Variants in UNC5D observed in about 807,000 individuals in gnomAD.
UNC5D encodes unc-5 netrin receptor D, also known as netrin receptor UNC5D.
In UNC5D, 39 loss-of-function variants were observed where a neutral mutation model predicts 105.4. The observed-to-expected ratio is 0.37, with a 90% CI of 0.29 to 0.48. The LOEUF (loss-of-function observed/expected upper bound fraction) is 0.48, where lower values mean the gene tolerates loss of function less well. Among genes scored for constraint, UNC5D ranks in the 20% least tolerant of loss-of-function variants. The probability of loss-of-function intolerance (pLI) is 0.98; values close to 1 mark genes in which losing one functional copy is unlikely to be tolerated. For missense variants in UNC5D, 991 were observed against 1,202.4 expected, an observed-to-expected ratio of 0.82 and a Z score of 2.60; for synonymous variants, 452 against 450.4, an observed-to-expected ratio of 1.00 and a Z score of -0.04.
At chr8:35,690,824 C>T (rs560603419) in intron 7 of UNC5D, among the ~76,000 whole-genome samples, 1 of 152,276 alleles carries the variant, frequency 6.6e-6, no homozygotes, top group East Asian at 1.9e-4. Context: ...CTTTATGGAG[C>T]AGTAGCTTTG....
At chr8:35,624,706 A>G (rs1821595587) in intron 4 of UNC5D, among the ~76,000 whole-genome samples, 1 of 152,216 alleles carries the variant, frequency 6.6e-6, no homozygotes, top group African/African-American at 2.4e-5. Context: ...TAAGGGATAC[A>G]GACACCTTTT....
At chr8:35,512,465 C>CATATATATAT (rs780945660) in intron 1 of UNC5D, among the ~76,000 whole-genome samples, 4 of 20,114 alleles carry the variant, frequency 2.0e-4, no homozygotes, top group African/African-American at 3.8e-4. Context: ...AATAGTGAGC[C>CATATATATAT]ATATATATAT....
In UNC5D at chr8:35,627,790, G is replaced by A. The variant is rs116013859; in HGVS notation, c.570+32133G>A. Among the ~76,000 whole-genome samples, 844 of 152,198 alleles carry A rather than the reference G, an allele frequency of 5.5e-3. 11 individuals are homozygous for A. Among genetic ancestry groups the A allele is most frequent in the African/African-American group, 0.019 (796 of 41,534 alleles). On this transcript the variant is annotated intron_variant, in intron 4 of 16. Coordinates refer to ENST00000404895, the MANE Select transcript of UNC5D (RefSeq NM_080872.4). ...CAAAAAATAGAAAAATTAGCCAGGC[G>A]TGGTGGCACACACCGAGTCCCAGCT...
rs541120439 is a variant in UNC5D, at chr8:35,774,059, GT to G, written c.2479-239del. Among the ~76,000 whole-genome samples, 1,129 of 152,234 alleles carry G rather than the reference GT, an allele frequency of 7.4e-3. 8 individuals are homozygous for G. Among genetic ancestry groups the G allele is most frequent in the African/African-American group, 0.025 (1,059 of 41,536 alleles). ...CTTTTAATGCTGGAAGCTAGTCATTGTGACGCCCCTGAGTGGAAGAGGCTGT... is the reference window on the plus strand; with the variant it reads ...CTTTTAATGCTGGAAGCTAGTCATTGGACGCCCCTGAGTGGAAGAGGCTGT... On this transcript the variant is annotated intron_variant, in intron 15 of 16. Transcript: ENST00000404895.
intron 1 of UNC5D, chr8:35,256,257 G>A (rs1428937604): frequency 6.6e-6 from 1 of 152,210 alleles, no homozygotes; most frequent in Non-Finnish European, 1.5e-5. Flanking sequence ...AGGAATAATA[G>A]ATGAGTGGAT....
intron 2 of UNC5D, among the ~76,000 whole-genome samples, chr8:35,553,264 CT>C (rs762498612): frequency 3.3e-5 from 5 of 152,004 alleles, no homozygotes; most frequent in Non-Finnish European, 5.9e-5. Flanking sequence ...TTTAATTCCC[CT>C]AGCATTGCTA....
chr8:35,789,241 T>C (rs1802916960), intron 16 of UNC5D, among the ~76,000 whole-genome samples: 1 of 139,780 alleles, frequency 7.2e-6, no homozygotes, highest in Non-Finnish European at 1.6e-5. Flanking sequence ...TATCCATAGC[T>C]AGATCAAGGC....
In UNC5D at chr8:35,600,827, T is replaced by G. The variant is rs368227128; in HGVS notation, c.570+5170T>G. 2.4e-4 allele frequency among the ~76,000 whole-genome samples: 37 copies of G among 152,186 alleles called. No homozygotes were observed. In the East Asian group the frequency reaches 2.5e-3, roughly 10 times the overall value. ...AATTAGATCCCATTTGTCAATTTTG[T>G]CTTTTGTTGCCATTGCTTTTGGTGT... On this transcript the variant is annotated intron_variant, in intron 4 of 16. Transcript: ENST00000404895.
intron 1 of UNC5D, among the ~76,000 whole-genome samples, chr8:35,384,840 C>G (rs576220172): frequency 8.0e-4 from 122 of 152,290 alleles, no homozygotes; most frequent in Non-Finnish European, 7.8e-4. Flanking sequence ...TGTGAGTTGA[C>G]AGAAGTCTGG....
At chr8:35,699,460 C>T (rs1181582937) in intron 7 of UNC5D, among the ~76,000 whole-genome samples, 1 of 152,048 alleles carries the variant, frequency 6.6e-6, no homozygotes. Flanking sequence ...TCAATAGAAC[C>T]GTTTTTCATT....
At chr8:35,335,787 G>T (rs1421497686) in intron 1 of UNC5D, among the ~76,000 whole-genome samples, 1 of 104,380 alleles carries the variant, frequency 9.6e-6, no homozygotes, top group Non-Finnish European at 1.8e-5. Flanking sequence ...TTTTTGAGAC[G>T]GAGTGTCGCT....
At chr8:35,657,544 G>A (rs1176043379) in intron 4 of UNC5D, among the ~76,000 whole-genome samples, 2 of 152,098 alleles carry the variant, frequency 1.3e-5, no homozygotes, top group African/African-American at 2.4e-5. Context: ...GAGTGCAGTG[G>A]CTGGATCATA....
At chr8:35,477,669 G>A (rs1468081478) in intron 1 of UNC5D, among the ~76,000 whole-genome samples, 13 of 152,152 alleles carry the variant, frequency 8.5e-5, no homozygotes, top group Middle Eastern at 3.4e-3. Flanking sequence ...CAACTGAAAC[G>A]TCAAAATTCA....
intron 3 of UNC5D, among the ~76,000 whole-genome samples, chr8:35,589,232 G>A (rs116018760): frequency 0.013 from 1,956 of 152,072 alleles, 40 homozygotes; most frequent in African/African-American, 0.044. Context: ...ATATTTACCT[G>A]TAATCTTAAA....
chr8:35,588,475 C>T (rs1319382110), intron 3 of UNC5D, among the ~76,000 whole-genome samples: 1 of 152,114 alleles, frequency 6.6e-6, no homozygotes, highest in Non-Finnish European at 1.5e-5. Flanking sequence ...CTCTGAGAAA[C>T]TTTTTTGCAA....
chr8:35,243,631 G>T (rs1043688994), intron 1 of UNC5D, among the ~76,000 whole-genome samples: 1 of 152,152 alleles, frequency 6.6e-6, no homozygotes, highest in African/African-American at 2.4e-5. Flanking sequence ...TGAGGCTATA[G>T]TTAAGCAAGA....
At chr8:35,265,197 C>T (rs1354275689) in intron 1 of UNC5D, among the ~76,000 whole-genome samples, 2 of 130,538 alleles carry the variant, frequency 1.5e-5, no homozygotes, top group African/African-American at 4.9e-5. Context: ...TATATTAAGA[C>T]TGTGACCTTA....
chr8:35,253,444 T>C (rs1257405398), intron 1 of UNC5D, among the ~76,000 whole-genome samples: 1 of 150,972 alleles, frequency 6.6e-6, no homozygotes, highest in Non-Finnish European at 1.5e-5. Flanking sequence ...TTTTTCCCTC[T>C]GTAGAGTTTG....
chr8:35,539,025 A>G (rs540175762), intron 1 of UNC5D, among the ~76,000 whole-genome samples: 2 of 152,284 alleles, frequency 1.3e-5, no homozygotes, highest in South Asian at 2.1e-4. Flanking sequence ...AAATTTTGAT[A>G]TAACTAAATG....
Sources: allele counts gnomAD v4.1 joint callset (sites outside exome capture counted in the v4.1 genomes callset), GRCh38; gene constraint gnomAD v4.1.1; transcripts MANE v1.5; gene names NCBI Gene and HGNC (gene_info 2026-07-23, HGNC 2026-07-21).